Variants in EPRS1 observed in about 807,000 individuals in gnomAD.
EPRS1 encodes bifunctional glutamate/proline--tRNA ligase.
EPRS1 carries 107 observed loss-of-function variants against 188.3 expected under a neutral mutation model. The observed-to-expected ratio is 0.57, with a 90% CI of 0.49 to 0.67. The LOEUF is 0.67. EPRS1 is among the 30% of genes least tolerant of loss of function. The pLI, the probability that EPRS1 is intolerant of heterozygous loss-of-function variation, is 0.00. For synonymous variants in EPRS1, 596 were observed against 593.1 expected (o/e 1.00, Z -0.07); for missense variants, 1,577 against 1,802.2 (o/e 0.88, Z 2.26).
chr1:219,997,471 A>T (rs1213787867), intron 17 of EPRS1, 129 bp from the exon 18 acceptor site: 1 of 785,706 alleles, frequency 1.3e-6, no homozygotes, highest in African/African-American at 1.7e-5. Context: ...CAATCCCTTA[A>T]AAAGCTTAAA....
chr1:220,025,134 T>C lies in EPRS1; in HGVS notation c.748A>G (p.Lys250Glu). Residue 250 changes from lysine (K) to glutamate (E), a missense_variant and splice_region_variant, in exon 7 of 32, where the codon AAG becomes GAG. Physicochemically the swap from Lys to Glu is moderately conservative, Grantham distance 56 (BLOSUM62 1). Coordinates refer to ENST00000366923, the MANE Select transcript of EPRS1 (RefSeq NM_004446.3). ...GTCATCACTACACTTTTAATTACCT[T>C]CTCAAAATCTTCCTTTTCTTTTTCA... ...NPEKEKEDFE[K>E]VILEDVAMLH... is the part of the protein sequence containing the mutation. 1 of 1,613,120 alleles carries C rather than the reference T, an allele frequency of 6.2e-7. No homozygotes were observed. The highest frequency in any genetic ancestry group is 8.5e-7 in the Non-Finnish European group (1 of 1,179,340).
At chr1:220,043,614 T>C (rs1421445491) in intron 1 of EPRS1, among the ~76,000 whole-genome samples, 1 of 152,120 alleles carries the variant, frequency 6.6e-6, no homozygotes, top group Non-Finnish European at 1.5e-5. Flanking sequence ...GAATAATCAG[T>C]AATGGGAAAA....
chr1:220,022,383 T>C lies in EPRS1; in HGVS notation c.1079A>G (p.Lys360Arg). The change falls in exon 9 of 32, where the codon AAA (lysine) becomes AGA (arginine). Residue 360 changes from lysine to arginine, a missense_variant. Transcript: ENST00000366923. ...CMRDPTLYRC[K>R]IQPHPRTGNK... ...TCCAGTTCTTGGATGTGGTTGAATT[T>C]TGCAGCGATAAAGGGTTGGATCTCT... The C allele has an allele frequency of 6.2e-7, 1 of 1,613,582 alleles. No homozygotes were observed. The highest frequency in any genetic ancestry group is 2.2e-5 in the East Asian group (1 of 44,874).
intron 28 of EPRS1, among the ~76,000 whole-genome samples, chr1:219,977,499 C>G (rs1660803169): frequency 6.6e-6 from 1 of 152,062 alleles, no homozygotes; most frequent in Non-Finnish European, 1.5e-5. Flanking sequence ...CCGCTAGTAG[C>G]CAGCAGTAAA....
intron 15 of EPRS1, among the ~76,000 whole-genome samples, chr1:220,005,849 T>TTTTTG (rs1661456312): frequency 1.0e-5 from 1 of 95,662 alleles, no homozygotes; most frequent in South Asian, 3.3e-4. Flanking sequence ...TTGTTTTTTT[T>TTTTTG]TGTAGAGACG....
chr1:219,993,228 CA>C lies in EPRS1; in HGVS notation c.2541+3754del, dbSNP rs112928567. ...TGGGCAACAGAGCAAGACCCTGTCT[CA>C]AAAAAAAAAAAATTGTTTTAAAGTG... is the stretch of plus-strand genomic sequence containing the variant. On this transcript the variant is annotated intron_variant, in intron 18 of 31. Coordinates refer to ENST00000366923, the MANE Select transcript of EPRS1 (RefSeq NM_004446.3). Among the ~76,000 whole-genome samples the C allele has an allele frequency of 1.5e-3, 211 of 139,594 alleles. 1 individual carries two copies. Among genetic ancestry groups the C allele is most frequent in the African/African-American group, 2.6e-3 (98 of 38,116 alleles). The allele number at this position is 139,594 out of a possible 152,430, so 91.6% of individuals were successfully genotyped here.
At position 219,983,215 on chromosome 1, in the gene EPRS1, T is replaced by A. The variant is rs369387593; in HGVS notation, c.3274A>T (p.Thr1092Ser). ...VSQSALEKEK[T>S]HVADFAPEVA... ...TCTGGGGCAAAGTCAGCAACATGAG[T>A]CTTCTCTTTCTCTAATGCACTTTGA... The change falls in exon 22 of 32, where the codon ACT (threonine) becomes TCT (serine). Residue 1092 changes from threonine to serine, a missense_variant. Transcript: ENST00000366923. 5.9e-5 allele frequency: 96 copies of A among 1,613,750 alleles called. No homozygotes were observed. The highest frequency in any genetic ancestry group is 7.8e-5 in the Non-Finnish European group (92 of 1,179,894).
chr1:219,977,810 A>T (rs1317469785), intron 28 of EPRS1, among the ~76,000 whole-genome samples: 1 of 152,178 alleles, frequency 6.6e-6, no homozygotes, highest in East Asian at 1.9e-4. Flanking sequence ...ATAAATACCT[A>T]AAAATCCCAA....
intron 2 of EPRS1, among the ~76,000 whole-genome samples, chr1:220,037,103 T>C (rs1227742651): frequency 6.6e-6 from 1 of 151,118 alleles, no homozygotes; most frequent in East Asian, 2.0e-4. Context: ...CTGAAGCAGG[T>C]GTATCGCTAA....
intron 17 of EPRS1, 39 bp from the exon 18 acceptor site, chr1:219,997,381 A>C: frequency 4.1e-6 from 6 of 1,469,750 alleles, no homozygotes; most frequent in Non-Finnish European, 5.4e-6. Context: ...TAATTAATTC[A>C]TATTAAATGT....
At chr1:220,018,556 G>C (rs1219151442) in intron 11 of EPRS1, 48 bp from the exon 12 acceptor site, 2 of 1,107,968 alleles carry the variant, frequency 1.8e-6, no homozygotes, top group African/African-American at 3.3e-5. Context: ...GTATTAATTA[G>C]AACTTTGCCT....
At chr1:220,045,443 G>T (rs1400761432) in intron 1 of EPRS1, among the ~76,000 whole-genome samples, 1 of 152,052 alleles carries the variant, frequency 6.6e-6, no homozygotes, top group Non-Finnish European at 1.5e-5. Flanking sequence ...GTTCGATGCT[G>T]CAGTGAGCCT....
intron 19 of EPRS1, 85 bp from the exon 20 acceptor site, chr1:219,987,489 A>C: frequency 7.6e-6 from 9 of 1,190,936 alleles, no homozygotes; most frequent in South Asian, 1.6e-5. Context: ...TACAATGCTC[A>C]AAGCTTTCTT....
chr1:220,012,048 G>A (rs1434672775), intron 12 of EPRS1, among the ~76,000 whole-genome samples: 1 of 152,088 alleles, frequency 6.6e-6, no homozygotes, highest in Non-Finnish European at 1.5e-5. Flanking sequence ...CTTCTAAAAA[G>A]AATGATATCG....
In EPRS1 at chr1:220,024,272, C is replaced by A; in HGVS notation, c.935G>T (p.Arg312Ile). The part of the protein sequence containing the change: ...EREQRIDSKH[R>I]KNPIEKNLQM... ...AAAACAATGTGGCTTACGGTTTTTT[C>A]TATGTTTAGAGTCTATCCTCTGCTC... The change falls in exon 8 of 32, where the codon AGA (arginine) becomes ATA (isoleucine). Residue 312 changes from arginine to isoleucine, a missense_variant. Arg to Ile is a moderately conservative substitution (Grantham distance 97). Transcript: ENST00000366923. 1 of 1,571,080 alleles carries A rather than the reference C, an allele frequency of 6.4e-7. No individual in the cohort carries two copies. The highest frequency in any genetic ancestry group is 8.6e-7 in the Non-Finnish European group (1 of 1,164,898).
At chr1:219,977,013 T>C (rs1426041510) in intron 28 of EPRS1, among the ~76,000 whole-genome samples, 1 of 152,168 alleles carries the variant, frequency 6.6e-6, no homozygotes, top group Non-Finnish European at 1.5e-5. Flanking sequence ...GTTGCTGGGT[T>C]CTGGCCTCAC....
At chr1:220,031,414 A>G (rs1662080841) in intron 5 of EPRS1, among the ~76,000 whole-genome samples, 1 of 152,210 alleles carries the variant, frequency 6.6e-6, no homozygotes, top group African/African-American at 2.4e-5. Context: ...AAACCAAGCA[A>G]GGAAAAATTA....
In EPRS1 at chr1:219,973,203, T is replaced by C; in HGVS notation, c.4244+35A>G. 2.5e-6 allele frequency: 4 copies of C among 1,588,386 alleles called. No individual in the cohort carries two copies. The South Asian group carries it at 4.5e-5, about 18-fold the overall frequency. ...AAGATCTCAAAGGTGGTGGAAGATCTGGAGAGAGAGACATAAGCAATTTTA... is the reference window on the plus strand; with the variant it reads ...AAGATCTCAAAGGTGGTGGAAGATCCGGAGAGAGAGACATAAGCAATTTTA... On this transcript the variant is annotated intron_variant, in intron 29 of 31. Coordinates refer to ENST00000366923, the MANE Select transcript of EPRS1 (RefSeq NM_004446.3).
Position 220,001,274 on chromosome 1 carries a change from G to A in EPRS1, c.2064-19C>T, listed in dbSNP as rs750985183. 3.5e-6 allele frequency: 5 copies of A among 1,442,646 alleles called. No individual in the cohort carries two copies. The African/African-American group carries it at 7.0e-5, about 20-fold the overall frequency. The allele number at this position is 1,442,646 out of a possible 1,614,324, so 89.4% of individuals were successfully genotyped here. On this transcript the variant is annotated intron_variant, in intron 16 of 31. Coordinates refer to ENST00000366923, the MANE Select transcript of EPRS1 (RefSeq NM_004446.3). ...ATATGGGCTAAAAAGAAAATAAAGGGACAAAATAGTTTATTTGAACAAAAT... is the reference window on the plus strand; with the variant it reads ...ATATGGGCTAAAAAGAAAATAAAGGAACAAAATAGTTTATTTGAACAAAAT...
Sources: allele counts gnomAD v4.1 joint callset (sites outside exome capture counted in the v4.1 genomes callset), GRCh38; gene constraint gnomAD v4.1.1; transcripts MANE v1.5; gene names NCBI Gene and HGNC (gene_info 2026-07-23, HGNC 2026-07-21).